Variants in THNSL1 observed in about 807,000 individuals in gnomAD.
The protein encoded by THNSL1 is threonine synthase like 1, also known as threonine synthase-like 1.
A neutral mutation model predicts 50.4 loss-of-function variants in THNSL1; 48 were observed. The ratio of observed to expected loss-of-function variants is 0.95; its 90% CI spans 0.76 to 1.21. The LOEUF (loss-of-function observed/expected upper bound fraction) is 1.21. Ranked by LOEUF, THNSL1 falls within the 50% of genes most tolerant of loss-of-function variation. The pLI, the probability that THNSL1 is intolerant of heterozygous loss-of-function variation, is 0.00. For synonymous variants in THNSL1, 309 were observed against 306.1 expected (o/e 1.01, Z -0.10); for missense variants, 896 against 871.7 (o/e 1.03, Z -0.35).
At chr10:25,012,554 G>C (rs1262104139), upstream of THNSL1, among the ~76,000 whole-genome samples, 1 of 152,204 alleles carries the variant, frequency 6.6e-6, no homozygotes, top group African/African-American at 2.4e-5. Flanking sequence ...AGTCAAAGGA[G>C]ATCATTTTGG....
At chr10:24,992,045 C>T in the THNSL1 span, among the ~76,000 whole-genome samples, 8 of 152,310 alleles carry the variant, frequency 5.3e-5, no homozygotes, top group South Asian at 2.1e-4. Context: ...CATGTCACAA[C>T]GACTGACAGT....
At chr10:24,994,742 C>T in the THNSL1 span, among the ~76,000 whole-genome samples, 1 of 152,022 alleles carries the variant, frequency 6.6e-6, no homozygotes, top group Non-Finnish European at 1.5e-5. Flanking sequence ...CTGTATTTGG[C>T]TGGGTGCAGT....
At chr10:25,020,422 T>C (rs1054250889) in intron 1 of THNSL1, among the ~76,000 whole-genome samples, 1 of 152,092 alleles carries the variant, frequency 6.6e-6, no homozygotes, top group Non-Finnish European at 1.5e-5. Context: ...CTACTTTTAA[T>C]GAAGTTGATG....
At chr10:24,965,230 G>A in the THNSL1 span, among the ~76,000 whole-genome samples, 1 of 152,100 alleles carries the variant, frequency 6.6e-6, no homozygotes, top group Non-Finnish European at 1.5e-5. Flanking sequence ...CACTTCCTTT[G>A]TGTGAAAAAT....
At chr10:24,984,697 C>G in the THNSL1 span, 7 of 1,529,440 alleles carry the variant, frequency 4.6e-6, no homozygotes, top group Admixed American at 8.9e-5. Flanking sequence ...TTTTTTTCCC[C>G]TACATTGAAA....
chr10:25,023,668 G>T lies in THNSL1; in HGVS notation c.445G>T (p.Gly149Ter). The T allele has an allele frequency of 6.2e-7, 1 of 1,614,054 alleles. No individual in the cohort carries two copies. The highest frequency in any genetic ancestry group is 8.5e-7 in the Non-Finnish European group (1 of 1,179,996). ...TAGCATGTGGCATCTGAAGAAAAAT[G>T]GAATAATTGTATACCTGGATGTACC... Reference protein sequence around the residue: ...DASMWHLKKNGIIVYLDVPLL... With the variant: ...DASMWHLKKN The change falls in exon 3 of 3, where the codon GGA becomes TGA. Residue 149 changes from glycine (G) to a stop codon, truncating the protein, a stop_gained. Coordinates refer to ENST00000376356, the MANE Select transcript of THNSL1 (RefSeq NM_024838.5). LOFTEE classifies it high-confidence loss of function.
At chr10:24,981,624 T>C in the THNSL1 span, among the ~76,000 whole-genome samples, 3 of 152,204 alleles carry the variant, frequency 2.0e-5, no homozygotes, top group African/African-American at 7.2e-5. Flanking sequence ...TAATAAGTCA[T>C]AGTATTAAGT....
chr10:25,016,988 G>A (rs1850604050), intron 1 of THNSL1, among the ~76,000 whole-genome samples: 1 of 152,148 alleles, frequency 6.6e-6, no homozygotes, highest in Admixed American at 6.5e-5. Flanking sequence ...GCGCGCACGG[G>A]GCCCGCGGCC....
the THNSL1 span, among the ~76,000 whole-genome samples, chr10:25,009,848 C>T: frequency 6.6e-6 from 1 of 152,170 alleles, no homozygotes; most frequent in Non-Finnish European, 1.5e-5. Flanking sequence ...TTTGTTCCTC[C>T]TTCACCTTCT....
chr10:25,025,662 G>A lies in THNSL1; in HGVS notation c.*207G>A. ...TCTGGAAGTGACAAAAGGTAACACA[G>A]TGCACGGACCTTTGAGCTATCATAC... On this transcript the variant is annotated 3_prime_UTR_variant, in exon 3 of 3. Transcript: ENST00000376356. 1.8e-6 allele frequency: 1 copy of A among 558,210 alleles called. No homozygotes were observed. The highest frequency in any genetic ancestry group is 3.2e-6 in the Non-Finnish European group (1 of 312,302). The allele number at this position is 558,210 out of a possible 1,614,324, so 34.6% of individuals were successfully genotyped here. A position where few individuals can be genotyped will look rare whatever the true frequency, so the allele number is the denominator to read the frequency against.
At chr10:25,003,153 G>A in the THNSL1 span, among the ~76,000 whole-genome samples, 1 of 151,472 alleles carries the variant, frequency 6.6e-6, no homozygotes, top group Non-Finnish European at 1.5e-5. Context: ...CAATTTCAGT[G>A]TTTCTTTAAT....
At chr10:24,972,624 A>G in the THNSL1 span, among the ~76,000 whole-genome samples, 6 of 152,172 alleles carry the variant, frequency 3.9e-5, no homozygotes, top group African/African-American at 1.4e-4. Flanking sequence ...AGAATTTGAT[A>G]TTAGTTGAAG....
the THNSL1 span, among the ~76,000 whole-genome samples, chr10:24,985,323 C>T: frequency 6.6e-6 from 1 of 152,274 alleles, no homozygotes; most frequent in African/African-American, 2.4e-5. Flanking sequence ...CCTCATTCTT[C>T]AACAGACAAA....
chr10:25,024,458 T>C lies in THNSL1; in HGVS notation c.1235T>C (p.Val412Ala). ...AVVAFFPENGVSDFQKAQIIG... is the reference protein window; with the variant it reads ...AVVAFFPENGASDFQKAQIIG... The stretch of plus-strand genomic sequence containing the variant: ...GTTGCATTTTTTCCTGAGAATGGAG[T>C]AAGTGATTTTCAAAAAGCACAAATA... The change falls in exon 3 of 3, where the codon GTA becomes GCA. Residue 412 changes from valine (V) to alanine (A), a missense_variant. Transcript: ENST00000376356. 6.2e-7 allele frequency: 1 copy of C among 1,613,958 alleles called. No homozygotes were observed. The highest frequency in any genetic ancestry group is 1.7e-5 in the Admixed American group (1 of 59,986).
upstream of THNSL1, chr10:25,016,189 CG>C: frequency 8.5e-7 from 1 of 1,175,346 alleles, no homozygotes; most frequent in East Asian, 3.9e-5. Flanking sequence ...TACTAGGCAA[CG>C]AGGAAGTGGC....
chr10:24,978,809 A>C, the THNSL1 span, among the ~76,000 whole-genome samples: 1 of 152,274 alleles, frequency 6.6e-6, no homozygotes, highest in East Asian at 1.9e-4. Context: ...AAATAGTCTT[A>C]GAGTTTTATA....
At chr10:24,956,466 T>A in the THNSL1 span, among the ~76,000 whole-genome samples, 296 of 122,542 alleles carry the variant, frequency 2.4e-3, 1 homozygote, top group South Asian at 0.013. Context: ...ATTTTATTTA[T>A]TTTTTTTTTT....
upstream of THNSL1, among the ~76,000 whole-genome samples, chr10:25,012,526 C>G (rs968866739): frequency 6.6e-6 from 1 of 152,222 alleles, no homozygotes; most frequent in Non-Finnish European, 1.5e-5. Context: ...ATCAGCGTGA[C>G]CTGGATGTGA....
the THNSL1 span, among the ~76,000 whole-genome samples, chr10:25,002,441 A>AT: frequency 6.6e-6 from 1 of 151,864 alleles, no homozygotes; most frequent in Non-Finnish European, 1.5e-5. Context: ...CTTTGTTTTA[A>AT]TTTTTTCTTC....
Sources: allele counts gnomAD v4.1 joint callset (sites outside exome capture counted in the v4.1 genomes callset), GRCh38; gene constraint gnomAD v4.1.1; transcripts MANE v1.5; gene names NCBI Gene and HGNC (gene_info 2026-07-23, HGNC 2026-07-21).